The following RALY variants were observed in gnomAD, a reference collection of about 807,000 sequenced individuals.
RALY encodes the protein RNA-binding protein Raly.
A neutral mutation model predicts 30.7 loss-of-function variants in RALY; 15 were observed. The ratio of observed to expected loss-of-function variants is 0.49; its 90% CI spans 0.33 to 0.75. RALY has a LOEUF of 0.75. RALY is among the 30% of genes least tolerant of loss of function. The pLI is 0.02. For missense variants in RALY, 339 were observed against 414.3 expected (o/e 0.82, Z 1.58); for synonymous variants, 177 against 170.8 (o/e 1.04, Z -0.28).
In RALY at chr20:34,076,776, C is replaced by T. The variant is rs1355720209; in HGVS notation, c.619C>T (p.Arg207Cys). ...IKSNIDALLSRLEQIAAEQKA... is the reference protein window; with the variant it reads ...IKSNIDALLSCLEQIAAEQKA... ...GTCCAATATCGATGCCCTGCTGAGC[C>T]GCTTGGAGCAGATCGCTGCGGAGCA... The change falls in exon 7 of 10, where the codon CGC becomes TGC. Residue 207 changes from arginine (R) to cysteine (C), a missense_variant. Physicochemically the swap from Arg to Cys is radical, Grantham distance 180. Around this residue, in one of 2 missense-constraint regions of RALY, gnomAD observed 268 missense variants for 280.6 expected, o/e 0.95. Transcript: ENST00000246194. 1.2e-6 allele frequency: 2 copies of T among 1,614,114 alleles called. No homozygotes were observed. Among genetic ancestry groups the T allele is most frequent in the Non-Finnish European group, 1.7e-6 (2 of 1,180,024 alleles).
In RALY at chr20:34,078,544, C is replaced by T. The variant is rs1008689671; in HGVS notation, c.916C>T (p.Gln306Ter). The T allele has an allele frequency of 1.9e-6, 3 of 1,586,524 alleles. No homozygotes were observed. Among genetic ancestry groups the T allele is most frequent in the Non-Finnish European group, 1.7e-6 (2 of 1,166,522 alleles). ...CACAGACGCGGATGATGGGGCCTTG[C>T]AGTAAGCAGGTACAGGGGTCCTGTC... ...QDTDADDGAL[Q>*] The change falls in exon 9 of 10, where the codon CAG (glutamine) becomes TAG (stop). Residue 306 changes from glutamine to a stop codon, truncating the protein, a stop_gained. Coordinates refer to ENST00000246194, the MANE Select transcript of RALY (RefSeq NM_016732.3). LOFTEE classifies it high-confidence loss of function.
intron 1 of RALY, among the ~76,000 whole-genome samples, chr20:34,000,349 A>G (rs113112149): frequency 6.6e-5 from 10 of 151,980 alleles, no homozygotes; most frequent in East Asian, 1.9e-4. Context: ...CTGAAATTCT[A>G]TAAAGGCCCA....
intron 2 of RALY, among the ~76,000 whole-genome samples, chr20:34,047,815 C>T (rs2032934767): frequency 6.6e-6 from 1 of 152,192 alleles, no homozygotes; most frequent in Non-Finnish European, 1.5e-5. Flanking sequence ...GCCTGGTGAT[C>T]TGTGGCTGTT....
At chr20:34,010,046 G>A (rs1196078377) in intron 1 of RALY, among the ~76,000 whole-genome samples, 2 of 151,990 alleles carry the variant, frequency 1.3e-5, no homozygotes, top group East Asian at 1.9e-4. Flanking sequence ...AATCTGTCTC[G>A]GCCTATCTTA....
At chr20:34,032,776 T>C (rs1031717195) in intron 2 of RALY, among the ~76,000 whole-genome samples, 53 of 152,186 alleles carry the variant, frequency 3.5e-4, no homozygotes, top group African/African-American at 1.2e-3. Flanking sequence ...AGTCTGACCA[T>C]AAATACCATT....
intron 2 of RALY, among the ~76,000 whole-genome samples, chr20:34,050,238 A>C (rs1018312718): frequency 1.3e-5 from 2 of 152,184 alleles, no homozygotes; most frequent in African/African-American, 4.8e-5. Flanking sequence ...TGGGCTCCTG[A>C]CACCAAACAG....
intron 2 of RALY, among the ~76,000 whole-genome samples, chr20:34,053,314 C>T (rs577307014): frequency 1.4e-4 from 20 of 146,854 alleles, no homozygotes; most frequent in East Asian, 1.0e-3. Flanking sequence ...CAGGGTTTGA[C>T]GGCAAATTAG....
At chr20:34,048,908 G>GT (rs1420449146) in intron 2 of RALY, among the ~76,000 whole-genome samples, 2 of 150,804 alleles carry the variant, frequency 1.3e-5, no homozygotes, top group African/African-American at 4.9e-5. Context: ...TACACCCAGT[G>GT]TTTCATTCAT....
Position 34,083,902 on chromosome 20 carries a change from A to G in RALY, c.*3997A>G, listed in dbSNP as rs1180870857. 6.6e-6 allele frequency: 1 copy of G among 152,222 alleles called. No individual in the cohort carries two copies. The highest frequency in any genetic ancestry group is 1.5e-5 in the Non-Finnish European group (1 of 68,050). 9.4% of individuals were successfully genotyped at this position (152,222 alleles called of 1,614,324 possible). A position where few individuals can be genotyped will look rare whatever the true frequency, so the allele number is the denominator to read the frequency against. Reference sequence around the variant, plus strand: ...TTGATTGAGGTTTTAGGCAAATCAAAATCCCTCCACCAGTAGCCAGATTCT... The same window carrying G: ...TTGATTGAGGTTTTAGGCAAATCAAGATCCCTCCACCAGTAGCCAGATTCT... On this transcript the variant is annotated 3_prime_UTR_variant, in exon 10 of 10. Transcript: ENST00000246194.
chr20:34,078,658 A>G (rs1338401367), intron 9 of RALY, 105 bp downstream of exon 9: 2 of 1,107,024 alleles, frequency 1.8e-6, no homozygotes, highest in African/African-American at 3.3e-5. Flanking sequence ...ATACCTGGCC[A>G]AGTAGCACTG....
intron 5 of RALY, among the ~76,000 whole-genome samples, chr20:34,074,680 A>G (rs1219849776): frequency 6.6e-6 from 1 of 152,158 alleles, no homozygotes; most frequent in African/African-American, 2.4e-5. Flanking sequence ...ATCTTGGGCA[A>G]ATTCCCTTCC....
chr20:34,078,423 G>GT, intron 8 of RALY, 82 bp from the exon 9 acceptor site: 1 of 1,348,096 alleles, frequency 7.4e-7, no homozygotes. Context: ...GGACCATGAA[G>GT]TTTTTCTGGA....
intron 1 of RALY, among the ~76,000 whole-genome samples, chr20:34,030,951 A>C (rs2032244894): frequency 6.6e-6 from 1 of 152,004 alleles, no homozygotes; most frequent in Non-Finnish European, 1.5e-5. Context: ...TTTATCTAAA[A>C]TAGACTTCAC....
chr20:34,031,643 G>A (rs2032282399), intron 2 of RALY, 39 bp downstream of exon 2: 1 of 152,122 alleles, frequency 6.6e-6, no homozygotes, highest in Non-Finnish European at 1.5e-5. Context: ...GGCAAGCTTG[G>A]GCCAACATGG....
chr20:34,019,918 G>A (rs1160839428), intron 1 of RALY, among the ~76,000 whole-genome samples: 1 of 151,932 alleles, frequency 6.6e-6, no homozygotes, highest in Non-Finnish European at 1.5e-5. Flanking sequence ...AAAATTAGCC[G>A]GGCGTAGTGG....
At chr20:34,063,311 GCA>G (rs1231217889) in intron 2 of RALY, among the ~76,000 whole-genome samples, 4 of 152,152 alleles carry the variant, frequency 2.6e-5, no homozygotes, top group African/African-American at 9.7e-5. Flanking sequence ...TGGCATGTCA[GCA>G]AAGCCAAGAC....
intron 2 of RALY, among the ~76,000 whole-genome samples, chr20:34,064,853 G>T (rs2033523053): frequency 6.6e-6 from 1 of 152,148 alleles, no homozygotes; most frequent in Non-Finnish European, 1.5e-5. Context: ...ATTCTGGGAG[G>T]TTGGTATAAT....
At chr20:34,010,066 A>G (rs1167567847) in intron 1 of RALY, among the ~76,000 whole-genome samples, 1 of 152,136 alleles carries the variant, frequency 6.6e-6, no homozygotes, top group African/African-American at 2.4e-5. Flanking sequence ...AGGACTTCAT[A>G]TGGACAGCAA....
intron 1 of RALY, among the ~76,000 whole-genome samples, chr20:34,003,125 GAA>G (rs1439765342): frequency 2.6e-5 from 4 of 152,178 alleles, no homozygotes; most frequent in Non-Finnish European, 5.9e-5. Context: ...CCTTCAGAGA[GAA>G]ATATTACTTG....
Sources: allele counts gnomAD v4.1 joint callset (sites outside exome capture counted in the v4.1 genomes callset), GRCh38; gene constraint gnomAD v4.1.1; regional missense constraint gnomAD v4.1.1; transcripts MANE v1.5; gene names NCBI Gene and HGNC (gene_info 2026-07-23, HGNC 2026-07-21).